The following TOLLIP variants were observed in gnomAD, a reference collection of about 807,000 sequenced individuals.
TOLLIP encodes toll interacting protein, also known as toll-interacting protein.
TOLLIP carries 16 observed loss-of-function variants against 33.5 expected under a neutral mutation model. The ratio of observed to expected loss-of-function variants is 0.48; its 90% CI spans 0.32 to 0.72. TOLLIP has a LOEUF of 0.72. TOLLIP is among the 30% of genes least tolerant of loss of function. TOLLIP has a pLI of 0.03. For missense variants in TOLLIP, 325 were observed against 396.6 expected, an observed-to-expected ratio of 0.82 and a Z score of 1.53; for synonymous variants, 176 against 163.7, an observed-to-expected ratio of 1.07 and a Z score of -0.57.
intron 2 of TOLLIP, among the ~76,000 whole-genome samples, chr11:1,291,440 C>T (rs1192111437): frequency 6.6e-6 from 1 of 151,126 alleles, no homozygotes; most frequent in African/African-American, 2.4e-5. Context: ...AGAGTCCAGA[C>T]ACTGCCCCCC....
At chr11:1,281,168 C>A (rs1292528239) in intron 5 of TOLLIP, among the ~76,000 whole-genome samples, 4 of 152,172 alleles carry the variant, frequency 2.6e-5, no homozygotes, top group African/African-American at 9.7e-5. Context: ...ATTTGGTAAT[C>A]AAAATAATAC....
At chr11:1,307,250 G>A (rs1015912249) in intron 1 of TOLLIP, among the ~76,000 whole-genome samples, 1 of 152,212 alleles carries the variant, frequency 6.6e-6, no homozygotes, top group African/African-American at 2.4e-5. Context: ...GTTACTATGC[G>A]TTTACCGGTC....
At chr11:1,300,936 T>A (rs1295205497) in intron 1 of TOLLIP, among the ~76,000 whole-genome samples, 1 of 152,208 alleles carries the variant, frequency 6.6e-6, no homozygotes, top group Non-Finnish European at 1.5e-5. Context: ...GCTGTGGAGG[T>A]GCTGTTTGTG....
Position 1,303,395 on chromosome 11 carries a change from C to T in TOLLIP, c.33+6071G>A, listed in dbSNP as rs1056826499. 3.9e-5 allele frequency among the ~76,000 whole-genome samples: 6 copies of T among 152,196 alleles called. No individual in the cohort carries two copies. Among genetic ancestry groups the T allele is most frequent in the South Asian group, 2.1e-4 (1 of 4,836 alleles). On this transcript the variant is annotated intron_variant, in intron 1 of 5. Transcript: ENST00000317204. This position sits in a 1 kb window ranked among gnomAD's most constrained non-coding sequence, Gnocchi z 4.2. ...GGCGCCGGGCACAGGGCGCGCGCTG[C>T]GGCAGCCTCTGCGTGTCACTGTGTG... is the stretch of plus-strand genomic sequence containing the variant.
In TOLLIP at chr11:1,277,171, C is replaced by T. The variant is rs1285691018; in HGVS notation, c.693G>A (p.Glu231=). 15 of 1,612,008 alleles carry T rather than the reference C, an allele frequency of 9.3e-6. No homozygotes were observed. Among genetic ancestry groups the T allele is most frequent in the Non-Finnish European group, 1.2e-5 (14 of 1,178,352 alleles). The change falls in exon 6 of 6, where the codon GAG becomes GAA. Residue 231 remains glutamate, a synonymous_variant. Coordinates refer to ENST00000317204, the MANE Select transcript of TOLLIP (RefSeq NM_019009.4). This position sits in a 1 kb window ranked among gnomAD's most constrained non-coding sequence, Gnocchi z 4.2. ...AAVNAQPRCS[E]EDLKAIQDMF... ...TGTCCTGGATGGCTTTCAGGTCCTC[C>T]TCGCTACAGCGGGGCTGGGCGTTCA...
chr11:1,302,813 C>T (rs1413026471), intron 1 of TOLLIP: 2 of 985,038 alleles, frequency 2.0e-6, no homozygotes, highest in Admixed American at 6.1e-5. Context: ...GTGACTTTGT[C>T]CCCAGTTCCC....
At chr11:1,306,432 C>G (rs1864424711) in intron 1 of TOLLIP, among the ~76,000 whole-genome samples, 1 of 152,136 alleles carries the variant, frequency 6.6e-6, no homozygotes, top group Non-Finnish European at 1.5e-5. Context: ...CAGTCAGGGT[C>G]TCCCGAGCCA....
intron 1 of TOLLIP, among the ~76,000 whole-genome samples, chr11:1,305,650 G>GATA (rs1864403422): frequency 2.0e-5 from 3 of 152,216 alleles, no homozygotes; most frequent in Non-Finnish European, 4.4e-5. Flanking sequence ...TGAAGTCACC[G>GATA]ATTCGGCAGG....
chr11:1,279,014 T>TGGCAACATGAGGAACGGA (rs1447552732), intron 5 of TOLLIP, among the ~76,000 whole-genome samples: 1 of 152,158 alleles, frequency 6.6e-6, no homozygotes, highest in East Asian at 1.9e-4. Context: ...CCCCACAGCG[T>TGGCAACATGAGGAACGGA]GGCAACATGA....
chr11:1,289,870 G>A (rs1486621455), intron 3 of TOLLIP, among the ~76,000 whole-genome samples: 2 of 147,026 alleles, frequency 1.4e-5, no homozygotes, highest in South Asian at 2.2e-4. Context: ...GCTGGTGAGC[G>A]GCCAGATCAG....
chr11:1,297,087 T>C (rs1452232036), intron 1 of TOLLIP, among the ~76,000 whole-genome samples: 2 of 152,088 alleles, frequency 1.3e-5, no homozygotes, highest in Non-Finnish European at 2.9e-5. Flanking sequence ...TCAGCGCCAG[T>C]GCCCTGGGCA....
At chr11:1,289,267 G>A (rs566423168) in intron 3 of TOLLIP, among the ~76,000 whole-genome samples, 166 of 152,322 alleles carry the variant, frequency 1.1e-3, no homozygotes, top group Non-Finnish European at 1.8e-3. Flanking sequence ...AGGTAGGGAC[G>A]GGGAGAGAAA....
chr11:1,276,919 C>A lies in TOLLIP; in HGVS notation c.*120G>T. On this transcript the variant is annotated 3_prime_UTR_variant, in exon 6 of 6. Transcript: ENST00000317204. ...GGTGTGGACGGGGCGGCACAGAAGTCCACGGGAGGGGGCGACACGGGTGCT... is the reference window on the plus strand; with the variant it reads ...GGTGTGGACGGGGCGGCACAGAAGTACACGGGAGGGGGCGACACGGGTGCT... The A allele has an allele frequency of 6.4e-7, 1 of 1,570,534 alleles. No homozygotes were observed.
At chr11:1,289,220 C>T (rs1342663900) in intron 3 of TOLLIP, among the ~76,000 whole-genome samples, 3 of 152,196 alleles carry the variant, frequency 2.0e-5, no homozygotes, top group South Asian at 2.1e-4. Context: ...ACTTCCCATG[C>T]GCTCTCTACT....
chr11:1,293,695 C>G (rs936276260), intron 2 of TOLLIP, among the ~76,000 whole-genome samples: 1 of 152,254 alleles, frequency 6.6e-6, no homozygotes, highest in East Asian at 1.9e-4. Context: ...GGGCCAGAGG[C>G]GTGGGCAACG....
intron 5 of TOLLIP, among the ~76,000 whole-genome samples, chr11:1,279,256 A>C (rs574095821): frequency 2.0e-5 from 3 of 152,128 alleles, no homozygotes; most frequent in Admixed American, 6.5e-5. Flanking sequence ...GGGAGCAGGC[A>C]CCCCCGGGGG....
At chr11:1,306,399 A>C (rs1350398227) in intron 1 of TOLLIP, among the ~76,000 whole-genome samples, 1 of 151,758 alleles carries the variant, frequency 6.6e-6, no homozygotes, top group African/African-American at 2.4e-5. Flanking sequence ...CCTTATCACT[A>C]GGGGGAGGCA....
At position 1,276,787 on chromosome 11, in the gene TOLLIP, C is replaced by A; in HGVS notation, c.*252G>T. The A allele has an allele frequency of 6.6e-7, 1 of 1,519,132 alleles. No homozygotes were observed. The highest frequency in any genetic ancestry group is 8.8e-7 in the Non-Finnish European group (1 of 1,136,334). The allele number at this position is 1,519,132 out of a possible 1,614,324, so 94.1% of individuals were successfully genotyped here. A position where few individuals can be genotyped will look rare whatever the true frequency, so the allele number is the denominator to read the frequency against. On this transcript the variant is annotated 3_prime_UTR_variant, in exon 6 of 6. Coordinates refer to ENST00000317204, the MANE Select transcript of TOLLIP (RefSeq NM_019009.4). ...CGGCATGAGAAGGAGAGACGCACGT[C>A]CCAGGGACAGGAGAGCGCGCTGAGA...
At position 1,276,905 on chromosome 11, in the gene TOLLIP, G is replaced by A. The variant is rs1863324761; in HGVS notation, c.*134C>T. 1 of 1,563,594 alleles carries A rather than the reference G, an allele frequency of 6.4e-7. No individual in the cohort carries two copies. On this transcript the variant is annotated 3_prime_UTR_variant, in exon 6 of 6. Transcript: ENST00000317204. ...TGCACCCAAGAACAGGTGTGGACGG[G>A]GCGGCACAGAAGTCCACGGGAGGGG...
Sources: gnomAD v4.1 joint callset for allele counts (sites outside exome capture counted in the v4.1 genomes callset) on GRCh38, gnomAD v4.1.1 for gene constraint, Gnocchi (gnomAD v3.1) non-coding constraint, MANE v1.5 for transcripts, NCBI Gene and HGNC (gene_info 2026-07-23, HGNC 2026-07-21) for gene names.